BRINP2: variants seen among roughly 807,000 people sequenced by gnomAD.
BRINP2 encodes BMP/retinoic acid inducible neural specific 2.
A neutral mutation model predicts 69.2 loss-of-function variants in BRINP2; 21 were observed. The observed-to-expected ratio is 0.30, with a 90% CI of 0.22 to 0.44. The LOEUF (loss-of-function observed/expected upper bound fraction) is 0.44. Ranked by LOEUF, BRINP2 falls within the 20% of genes least tolerant of loss-of-function variation. BRINP2 has a pLI of 1.00. For missense variants in BRINP2, 877 were observed against 986.0 expected (o/e 0.89, Z 1.48); for synonymous variants, 380 against 394.1 (o/e 0.96, Z 0.42).
rs181987979 is a variant in BRINP2 at position 177,228,580 on chromosome 1, C to T, written c.-76-1221C>T. On this transcript the variant is annotated intron_variant, in intron 1 of 7. Coordinates refer to ENST00000361539, the MANE Select transcript of BRINP2 (RefSeq NM_021165.4). ...TGCCTCATCCCCAGGGAGCCTGTCT[C>T]TGGGCTTTGGCAGTCAGAGAATGTT... Among the ~76,000 whole-genome samples the T allele has an allele frequency of 4.0e-3, 616 of 152,304 alleles. 1 individual carries two copies. The highest frequency in any genetic ancestry group is 0.014 in the Middle Eastern group (4 of 294).
chr1:177,234,780 G>A (rs1188771585), intron 2 of BRINP2, among the ~76,000 whole-genome samples: 1 of 152,170 alleles, frequency 6.6e-6, no homozygotes, highest in Non-Finnish European at 1.5e-5. Context: ...CATGTTAGAA[G>A]TCAAAACAAA....
intron 2 of BRINP2, among the ~76,000 whole-genome samples, chr1:177,246,216 TAAAC>T (rs922553830): frequency 7.2e-5 from 11 of 152,126 alleles, no homozygotes; most frequent in African/African-American, 2.7e-4. Context: ...GCCACAGTGG[TAAAC>T]AAGGCAAAAG....
At chr1:177,250,634 A>G (rs1650551330) in intron 2 of BRINP2, among the ~76,000 whole-genome samples, 1 of 152,196 alleles carries the variant, frequency 6.6e-6, no homozygotes, top group Admixed American at 6.5e-5. Context: ...TGCCACTTGT[A>G]TGCATTCTTA....
chr1:177,195,776 G>A (rs1648728216), intron 1 of BRINP2, among the ~76,000 whole-genome samples: 1 of 151,982 alleles, frequency 6.6e-6, no homozygotes, highest in South Asian at 2.1e-4. Context: ...CAAAAGCCAA[G>A]TGGAGAAAAA....
intron 1 of BRINP2, among the ~76,000 whole-genome samples, chr1:177,212,501 T>C (rs1217179863): frequency 2.0e-5 from 3 of 151,376 alleles, no homozygotes; most frequent in Non-Finnish European, 4.4e-5. Flanking sequence ...GCTGAGATTG[T>C]GCCCCTGCAC....
chr1:177,237,004 G>A (rs1355918056), intron 2 of BRINP2, among the ~76,000 whole-genome samples: 1 of 151,918 alleles, frequency 6.6e-6, no homozygotes, highest in Non-Finnish European at 1.5e-5. Context: ...ATCACTGCAT[G>A]TGTAGAGAAA....
At chr1:177,267,644 T>C (rs1476720034) in intron 4 of BRINP2, among the ~76,000 whole-genome samples, 1 of 152,202 alleles carries the variant, frequency 6.6e-6, no homozygotes, top group African/African-American at 2.4e-5. Flanking sequence ...TCAATTCTCT[T>C]GAGAAAGAAT....
chr1:177,251,513 T>G (rs1650579937), intron 2 of BRINP2, among the ~76,000 whole-genome samples: 1 of 152,210 alleles, frequency 6.6e-6, no homozygotes. Context: ...ATTTACTAAC[T>G]GTGTGACTTC....
In BRINP2 at chr1:177,257,334, A is replaced by C; in HGVS notation, c.619A>C (p.Ser207Arg). Residue 207 changes from serine (S) to arginine (R), a missense_variant, in exon 4 of 8, where the codon AGC becomes CGC. Ser to Arg is a moderately radical substitution (Grantham distance 110). Around this residue, in one of 3 missense-constraint regions of BRINP2, gnomAD observed 566 missense variants for 625.2 expected, o/e 0.91. Coordinates refer to ENST00000361539, the MANE Select transcript of BRINP2 (RefSeq NM_021165.4). ...CGCCTCCTACTTCATCGACAGAGAGAGCACGCTGCGACGGCTGCACCATAT... is the reference window on the plus strand; with the variant it reads ...CGCCTCCTACTTCATCGACAGAGAGCGCACGCTGCGACGGCTGCACCATAT... ...LAASYFIDRE[S>R]TLRRLHHIQI... 1 of 1,613,956 alleles carries C rather than the reference A, an allele frequency of 6.2e-7. No homozygotes were observed. The highest frequency in any genetic ancestry group is 1.1e-5 in the South Asian group (1 of 91,064).
rs547298324 is a variant in BRINP2, at chr1:177,276,873, G to A, written c.1012+439G>A. On this transcript the variant is annotated intron_variant, in intron 6 of 7. Coordinates refer to ENST00000361539, the MANE Select transcript of BRINP2 (RefSeq NM_021165.4). Reference sequence around the variant, plus strand: ...TTAAAGCTAATATCAGTTACCTTGAGACCTAGATTCAAGAGAACTGGTTTT... The same window carrying A: ...TTAAAGCTAATATCAGTTACCTTGAAACCTAGATTCAAGAGAACTGGTTTT... Among the ~76,000 whole-genome samples, 3 of 152,336 alleles carry A rather than the reference G, an allele frequency of 2.0e-5. No homozygotes were observed. The South Asian group carries it at 6.2e-4, about 32-fold the overall frequency.
At chr1:177,178,344 A>T (rs897994485) in intron 1 of BRINP2, among the ~76,000 whole-genome samples, 29 of 152,158 alleles carry the variant, frequency 1.9e-4, no homozygotes, top group African/African-American at 6.5e-4. Flanking sequence ...AGCATAACAA[A>T]CAGGAGCTCC....
chr1:177,279,766 G>A (rs962683795), intron 7 of BRINP2, among the ~76,000 whole-genome samples: 2 of 152,160 alleles, frequency 1.3e-5, no homozygotes, highest in African/African-American at 4.8e-5. Context: ...TTACTAACAG[G>A]GAAGCCGTTT....
intron 2 of BRINP2, among the ~76,000 whole-genome samples, chr1:177,235,654 A>G (rs1202014663): frequency 1.3e-5 from 2 of 152,226 alleles, no homozygotes; most frequent in Non-Finnish European, 2.9e-5. Flanking sequence ...TGATTTGGAT[A>G]AACAGCGAAC....
chr1:177,253,039 T>C (rs1650632394), intron 2 of BRINP2, among the ~76,000 whole-genome samples: 1 of 152,088 alleles, frequency 6.6e-6, no homozygotes, highest in South Asian at 2.1e-4. Context: ...GATATACTAA[T>C]TTCAGTTCCT....
At chr1:177,178,937 A>C (rs1249694028) in intron 1 of BRINP2, among the ~76,000 whole-genome samples, 1 of 152,210 alleles carries the variant, frequency 6.6e-6, no homozygotes, top group East Asian at 1.9e-4. Flanking sequence ...ATAGTACTTA[A>C]GTGTCAGGCA....
chr1:177,217,178 C>T (rs1372491262), intron 1 of BRINP2, among the ~76,000 whole-genome samples: 3 of 151,274 alleles, frequency 2.0e-5, no homozygotes, highest in Non-Finnish European at 4.4e-5. Flanking sequence ...CCCATTATTC[C>T]CATAGATGTT....
chr1:177,209,626 G>A (rs558894033), intron 1 of BRINP2, among the ~76,000 whole-genome samples: 1 of 152,292 alleles, frequency 6.6e-6, no homozygotes, highest in Admixed American at 6.5e-5. Context: ...TCACGCAAGT[G>A]GAGCAACCAA....
intron 2 of BRINP2, among the ~76,000 whole-genome samples, chr1:177,233,127 T>C (rs564950485): frequency 8.5e-5 from 13 of 152,316 alleles, no homozygotes; most frequent in African/African-American, 3.1e-4. Context: ...TGGAGTATGC[T>C]CTAACTTTGA....
At chr1:177,273,665 C>A in intron 5 of BRINP2, 72 bp downstream of exon 5, 2 of 964,220 alleles carry the variant, frequency 2.1e-6, no homozygotes, top group Non-Finnish European at 2.9e-6. Flanking sequence ...GATCAAATAG[C>A]GGGAAAAAAT....
Sources: allele counts gnomAD v4.1 joint callset (sites outside exome capture counted in the v4.1 genomes callset), GRCh38; gene constraint gnomAD v4.1.1; regional missense constraint gnomAD v4.1.1; transcripts MANE v1.5; gene names NCBI Gene and HGNC (gene_info 2026-07-23, HGNC 2026-07-21).